The following RAB10 variants were observed in gnomAD, a reference collection of about 807,000 sequenced individuals.
RAB10 encodes RAB10, member RAS oncogene family.
RAB10 carries 5 observed loss-of-function variants against 25.7 expected under a neutral mutation model. The ratio of observed to expected loss-of-function variants is 0.19; its 90% CI spans 0.10 to 0.41. The LOEUF is 0.41. Among genes scored for constraint, RAB10 ranks in the 10% least tolerant of loss-of-function variants. The pLI is 1.00. For missense variants in RAB10, 103 were observed against 245.8 expected, an observed-to-expected ratio of 0.42 and a Z score of 3.89; for synonymous variants, 89 against 86.4, an observed-to-expected ratio of 1.03 and a Z score of -0.16.
chr2:26,128,866 G>T (rs750130447), intron 5 of RAB10, among the ~76,000 whole-genome samples: 1 of 152,080 alleles, frequency 6.6e-6, no homozygotes, highest in Non-Finnish European at 1.5e-5. Flanking sequence ...TAGGAAATCG[G>T]ATTTTCGTAT....
At chr2:26,109,059 GT>G (rs1667521648) in intron 2 of RAB10, among the ~76,000 whole-genome samples, 2 of 151,808 alleles carry the variant, frequency 1.3e-5, no homozygotes, top group African/African-American at 4.8e-5. Flanking sequence ...TTACAGGCAC[GT>G]GCCACCATGC....
At position 26,105,071 on chromosome 2, in the gene RAB10, G is replaced by C. The variant is rs566512180; in HGVS notation, c.189-4697G>C. ...TAATTTTTATATATGGTATGGGGTA[G>C]AGGTCCAACTTACTTCTTTTGCATG... On this transcript the variant is annotated intron_variant, in intron 2 of 5. Transcript: ENST00000264710. Among the ~76,000 whole-genome samples the C allele has an allele frequency of 2.6e-5, 4 of 152,238 alleles. No individual in the cohort carries two copies. In the South Asian group the frequency reaches 8.3e-4, roughly 32 times the overall value.
In RAB10 at chr2:26,061,084, ATC is replaced by A. The variant is rs571229542; in HGVS notation, c.127+26353_127+26354del. Among the ~76,000 whole-genome samples the A allele has an allele frequency of 7.5e-4, 61 of 81,294 alleles. 1 individual carries two copies. The South Asian group carries it at 0.019, about 25-fold the overall frequency. The allele number at this position is 81,294 out of a possible 152,430, so 53.3% of individuals were successfully genotyped here. On this transcript the variant is annotated intron_variant, in intron 1 of 5. Coordinates refer to ENST00000264710, the MANE Select transcript of RAB10 (RefSeq NM_016131.5). Reference sequence around the variant, plus strand: ...CAGTTGAAAATTTTTTTTTCCATTTATCTCTGTCTTTTTTTTTTTTTTTTTTT... The same window carrying A: ...CAGTTGAAAATTTTTTTTTCCATTTATCTGTCTTTTTTTTTTTTTTTTTTT...
At chr2:26,115,430 A>C (rs1332867693) in intron 3 of RAB10, among the ~76,000 whole-genome samples, 2 of 152,228 alleles carry the variant, frequency 1.3e-5, no homozygotes, top group Admixed American at 1.3e-4. Context: ...TGAAGGACTG[A>C]TACTTGGTAC....
chr2:26,038,459 C>G (rs568911346), intron 1 of RAB10, among the ~76,000 whole-genome samples: 23 of 151,442 alleles, frequency 1.5e-4, no homozygotes, highest in Admixed American at 7.2e-4. Flanking sequence ...GCCTCCCAAA[C>G]TGCTGGGATT....
At chr2:26,069,039 A>G (rs1666571480) in intron 1 of RAB10, among the ~76,000 whole-genome samples, 1 of 152,180 alleles carries the variant, frequency 6.6e-6, no homozygotes, top group Non-Finnish European at 1.5e-5. Context: ...TCTCTCACAT[A>G]TATATTCTTA....
chr2:26,100,454 A>G (rs1027902858), intron 2 of RAB10, among the ~76,000 whole-genome samples: 2 of 152,196 alleles, frequency 1.3e-5, no homozygotes, highest in South Asian at 2.1e-4. Flanking sequence ...TTGCTGTGAA[A>G]TCCTACTTTT....
At chr2:26,047,900 A>T (rs996718300) in intron 1 of RAB10, among the ~76,000 whole-genome samples, 1 of 149,922 alleles carries the variant, frequency 6.7e-6, no homozygotes, top group Non-Finnish European at 1.5e-5. Context: ...ATTTTTTTGT[A>T]TTTTTAGTGG....
intron 3 of RAB10, among the ~76,000 whole-genome samples, chr2:26,112,239 T>C (rs896023503): frequency 7.2e-5 from 11 of 152,188 alleles, no homozygotes; most frequent in Non-Finnish European, 1.3e-4. Context: ...GATTAAATCA[T>C]TGACTTCTGG....
At position 26,034,361 on chromosome 2, in the gene RAB10, C is replaced by G; in HGVS notation, c.-248C>G. 1.7e-6 allele frequency: 1 copy of G among 584,838 alleles called. No homozygotes were observed. Among genetic ancestry groups the G allele is most frequent in the Non-Finnish European group, 3.0e-6 (1 of 329,082 alleles). 36.2% of individuals were successfully genotyped at this position (584,838 alleles called of 1,614,324 possible). On this transcript the variant is annotated 5_prime_UTR_variant, in exon 1 of 6. Transcript: ENST00000264710. ...GGGGAGGCCATTTTGTCCCGACCGACTCCCCGGAACCGGGCGGACGGGCTG... is the reference window on the plus strand; with the variant it reads ...GGGGAGGCCATTTTGTCCCGACCGAGTCCCCGGAACCGGGCGGACGGGCTG...
At chr2:26,095,252 T>C (rs949929163) in intron 1 of RAB10, among the ~76,000 whole-genome samples, 7 of 152,088 alleles carry the variant, frequency 4.6e-5, no homozygotes, top group African/African-American at 1.7e-4. Flanking sequence ...AATTTATTGG[T>C]TCCAATTACT....
chr2:26,048,084 A>G (rs1666055339), intron 1 of RAB10, among the ~76,000 whole-genome samples: 2 of 142,810 alleles, frequency 1.4e-5, no homozygotes, highest in Admixed American at 7.1e-5. Flanking sequence ...ACTTCATGGT[A>G]TGTACCAGTT....
intron 1 of RAB10, among the ~76,000 whole-genome samples, chr2:26,075,497 C>G (rs568435182): frequency 0.01 from 635 of 62,050 alleles, 4 homozygotes; most frequent in African/African-American, 0.031. Flanking sequence ...TGTTTTGTCT[C>G]TCTGATTAAA....
chr2:26,034,872 G>A, intron 1 of RAB10, 137 bp downstream of exon 1: 1 of 1,325,730 alleles, frequency 7.5e-7, no homozygotes, highest in Non-Finnish European at 1.0e-6. Flanking sequence ...GTTACTGTTT[G>A]AATCGGCATC....
At chr2:26,098,229 T>G (rs1001961634) in intron 1 of RAB10, among the ~76,000 whole-genome samples, 2 of 150,182 alleles carry the variant, frequency 1.3e-5, no homozygotes, top group Non-Finnish European at 3.0e-5. Context: ...CAAGGGATTC[T>G]TCCACCTCAG....
At chr2:26,112,092 G>A (rs1667584318) in intron 3 of RAB10, among the ~76,000 whole-genome samples, 1 of 152,156 alleles carries the variant, frequency 6.6e-6, no homozygotes, top group Admixed American at 6.6e-5. Context: ...GGGAGTAGCG[G>A]CAGGGCTCCA....
chr2:26,083,424 C>T (rs1366527745), intron 1 of RAB10, among the ~76,000 whole-genome samples: 2 of 143,896 alleles, frequency 1.4e-5, no homozygotes, highest in Non-Finnish European at 3.0e-5. Flanking sequence ...TCAGCTTTCC[C>T]CTCTTCCCTC....
chr2:26,076,668 G>C (rs753827228), intron 1 of RAB10, among the ~76,000 whole-genome samples: 2 of 152,120 alleles, frequency 1.3e-5, no homozygotes, highest in Non-Finnish European at 2.9e-5. Flanking sequence ...AAGAGGCCAG[G>C]CACGGTGGCT....
chr2:26,116,808 G>A lies in RAB10; in HGVS notation c.327+6902G>A, dbSNP rs552807330. 5.2e-3 allele frequency among the ~76,000 whole-genome samples: 790 copies of A among 151,534 alleles called. 25 individuals are homozygous for A. The highest frequency in any genetic ancestry group is 2.7e-3 in the Non-Finnish European group (185 of 67,858). ...CCTGACCTCATGATCTGCCCACCTC[G>A]GCCTCCCAAAGTGCTGGGATTACAG... On this transcript the variant is annotated intron_variant, in intron 3 of 5. Transcript: ENST00000264710.
Sources: allele counts gnomAD v4.1 joint callset (sites outside exome capture counted in the v4.1 genomes callset), GRCh38; gene constraint gnomAD v4.1.1; transcripts MANE v1.5; gene names NCBI Gene and HGNC (gene_info 2026-07-23, HGNC 2026-07-21).